LINGO2: variants seen among roughly 807,000 people sequenced by gnomAD.
LINGO2 encodes the protein leucine rich repeat and Ig domain containing 2.
In LINGO2, 14 loss-of-function variants were observed where a neutral mutation model predicts 30.6. The observed-to-expected ratio is 0.46, with a 90% CI of 0.30 to 0.72. The LOEUF (loss-of-function observed/expected upper bound fraction) is 0.72, where lower values mean the gene tolerates loss of function less well. Ranked by LOEUF, LINGO2 falls within the 30% of genes least tolerant of loss-of-function variation. The pLI, the probability that LINGO2 is intolerant of heterozygous loss-of-function variation, is 0.07. For synonymous variants in LINGO2, 317 were observed against 288.5 expected, an observed-to-expected ratio of 1.10 and a Z score of -1.00; for missense variants, 729 against 751.7, an observed-to-expected ratio of 0.97 and a Z score of 0.35.
At chr9:28,059,022 C>T (rs977773583) in intron 4 of LINGO2, among the ~76,000 whole-genome samples, 3 of 151,958 alleles carry the variant, frequency 2.0e-5, no homozygotes, top group Non-Finnish European at 4.4e-5. Context: ...TTCAATTATA[C>T]CAAGTATTTT....
chr9:28,336,508 T>C (rs1283669889), intron 3 of LINGO2, among the ~76,000 whole-genome samples: 1 of 152,204 alleles, frequency 6.6e-6, no homozygotes, highest in Admixed American at 6.5e-5. Context: ...ATAAAGACTT[T>C]CTATACATCC....
chr9:28,288,470 T>C (rs911608162), intron 4 of LINGO2, among the ~76,000 whole-genome samples: 1 of 152,192 alleles, frequency 6.6e-6, no homozygotes, highest in Non-Finnish European at 1.5e-5. Flanking sequence ...GTAATTTTGC[T>C]TGGAATATGT....
chr9:28,858,669 C>T, the LINGO2 span, among the ~76,000 whole-genome samples: 12 of 151,842 alleles, frequency 7.9e-5, no homozygotes, highest in Admixed American at 7.9e-4. Context: ...ATGAAAATAC[C>T]CATCTGCCTA....
At chr9:28,096,657 C>A (rs1490576636) in intron 4 of LINGO2, among the ~76,000 whole-genome samples, 1 of 152,058 alleles carries the variant, frequency 6.6e-6, no homozygotes, top group African/African-American at 2.4e-5. Context: ...GATCCGGTGT[C>A]TTTTATATGT....
At chr9:28,830,587 A>C in the LINGO2 span, among the ~76,000 whole-genome samples, 24 of 152,220 alleles carry the variant, frequency 1.6e-4, no homozygotes, top group Non-Finnish European at 3.2e-4. Flanking sequence ...TAGTCCAGGT[A>C]AGAGAACCCA....
At chr9:28,819,183 A>G in the LINGO2 span, among the ~76,000 whole-genome samples, 1 of 151,890 alleles carries the variant, frequency 6.6e-6, no homozygotes, top group African/African-American at 2.4e-5. Flanking sequence ...ATCACAGCAC[A>G]CTCACCACCA....
At chr9:28,697,347 G>T in the LINGO2 span, among the ~76,000 whole-genome samples, 705 of 151,938 alleles carry the variant, frequency 4.6e-3, 5 homozygotes, top group African/African-American at 0.013. Flanking sequence ...GAACAGGTTA[G>T]GTAATTTCAG....
At chr9:28,307,968 G>A (rs1824439004) in intron 3 of LINGO2, among the ~76,000 whole-genome samples, 1 of 151,836 alleles carries the variant, frequency 6.6e-6, no homozygotes, top group South Asian at 2.1e-4. Context: ...ATGCTCATGG[G>A]TAGGAAGAAT....
the LINGO2 span, chr9:27,938,910 T>A: frequency 6.6e-6 from 1 of 152,158 alleles, no homozygotes; most frequent in Non-Finnish European, 1.5e-5. Flanking sequence ...AAAACAAAGC[T>A]AGAGAAATCT....
Position 28,049,308 on chromosome 9 carries a change from G to A in LINGO2, c.-86-36903C>T, listed in dbSNP as rs927748064. On this transcript the variant is annotated intron_variant, in intron 4 of 5. Coordinates refer to ENST00000379992, the Ensembl canonical transcript of LINGO2. ...CTGTTGGTCTAGTGGAGGTAGACATGTCAATGATCATTAAGTTACAACATA... is the reference window on the plus strand; with the variant it reads ...CTGTTGGTCTAGTGGAGGTAGACATATCAATGATCATTAAGTTACAACATA... Among the ~76,000 whole-genome samples, 2 of 150,876 alleles carry A rather than the reference G, an allele frequency of 1.3e-5. 1 individual carries two copies. The highest frequency in any genetic ancestry group is 1.3e-4 in the Admixed American group (2 of 15,050).
At chr9:28,895,555 A>T in the LINGO2 span, among the ~76,000 whole-genome samples, 1 of 152,140 alleles carries the variant, frequency 6.6e-6, no homozygotes, top group African/African-American at 2.4e-5. Flanking sequence ...TTTTTCCTTT[A>T]AAACCTTTGT....
At chr9:28,400,777 T>C (rs530418211) in intron 2 of LINGO2, among the ~76,000 whole-genome samples, 10 of 152,232 alleles carry the variant, frequency 6.6e-5, no homozygotes, top group African/African-American at 1.9e-4. Flanking sequence ...TAACAAAAGA[T>C]GAAATTTAAG....
At chr9:28,015,513 C>T (rs949318564) in intron 4 of LINGO2, among the ~76,000 whole-genome samples, 2 of 151,938 alleles carry the variant, frequency 1.3e-5, no homozygotes, top group Non-Finnish European at 2.9e-5. Flanking sequence ...ACTCTTCCTT[C>T]TATGTTTAAA....
chr9:28,273,987 C>G (rs908180641), intron 4 of LINGO2, among the ~76,000 whole-genome samples: 69 of 152,030 alleles, frequency 4.5e-4, no homozygotes, highest in African/African-American at 1.6e-3. Flanking sequence ...TATAATGGCA[C>G]AGACTGAGCA....
chr9:28,871,848 C>G, the LINGO2 span, among the ~76,000 whole-genome samples: 1 of 151,894 alleles, frequency 6.6e-6, no homozygotes, highest in African/African-American at 2.4e-5. Context: ...GTACTTATCT[C>G]CTATGGTTTT....
the LINGO2 span, among the ~76,000 whole-genome samples, chr9:28,709,289 G>T: frequency 6.6e-6 from 1 of 151,750 alleles, no homozygotes; most frequent in African/African-American, 2.4e-5. Context: ...ATTCCTAATT[G>T]CTAATTGGTT....
chr9:29,100,539 A>C, the LINGO2 span, among the ~76,000 whole-genome samples: 1 of 151,990 alleles, frequency 6.6e-6, no homozygotes, highest in African/African-American at 2.4e-5. Flanking sequence ...AGTTACAATG[A>C]ACCAAGATTG....
chr9:29,015,334 T>C, the LINGO2 span, among the ~76,000 whole-genome samples: 2 of 152,168 alleles, frequency 1.3e-5, no homozygotes, highest in African/African-American at 2.4e-5. Context: ...TTTGCACATA[T>C]ATTAAATATA....
chr9:28,849,030 C>A, the LINGO2 span, among the ~76,000 whole-genome samples: 1 of 151,940 alleles, frequency 6.6e-6, no homozygotes, highest in Non-Finnish European at 1.5e-5. Flanking sequence ...TTACTTGACT[C>A]CTCCCCTCTA....
Sources: gnomAD v4.1 joint callset for allele counts (sites outside exome capture counted in the v4.1 genomes callset) on GRCh38, gnomAD v4.1.1 for gene constraint, MANE v1.5 for transcripts, NCBI Gene and HGNC (gene_info 2026-07-23, HGNC 2026-07-21) for gene names.